PPM1H: variants seen among roughly 807,000 people sequenced by gnomAD.
The protein encoded by PPM1H is protein phosphatase, Mg2+/Mn2+ dependent 1H.
A neutral mutation model predicts 54.9 loss-of-function variants in PPM1H; 27 were observed. The ratio of observed to expected loss-of-function variants is 0.49; its 90% CI spans 0.36 to 0.68. PPM1H has a LOEUF of 0.68. Among genes scored for constraint, PPM1H ranks in the 30% least tolerant of loss-of-function variants. The pLI, the probability that PPM1H is intolerant of heterozygous loss-of-function variation, is 0.00. For synonymous variants in PPM1H, 305 were observed against 270.8 expected, an observed-to-expected ratio of 1.13 and a Z score of -1.24; for missense variants, 596 against 667.8, an observed-to-expected ratio of 0.89 and a Z score of 1.19.
intron 8 of PPM1H, among the ~76,000 whole-genome samples, chr12:62,673,713 C>CTTTTTTT (rs1192243731): frequency 4.2e-5 from 2 of 47,570 alleles, no homozygotes; most frequent in African/African-American, 6.1e-5. Flanking sequence ...AGAAGAGCCA[C>CTTTTTTT]TCTTTTTTTT....
At chr12:62,769,415 G>A (rs1369319063) in intron 4 of PPM1H, among the ~76,000 whole-genome samples, 1 of 152,216 alleles carries the variant, frequency 6.6e-6, no homozygotes, top group Non-Finnish European at 1.5e-5. Flanking sequence ...CACACAGAGG[G>A]AGAAAGGGCA....
intron 8 of PPM1H, among the ~76,000 whole-genome samples, chr12:62,670,135 G>A (rs376434207): frequency 7.4e-4 from 112 of 151,606 alleles, no homozygotes; most frequent in Middle Eastern, 6.8e-3. Context: ...GTGCCACCAC[G>A]CCCGGCTAAT....
intron 2 of PPM1H, among the ~76,000 whole-genome samples, chr12:62,830,402 C>A (rs1440873629): frequency 4.6e-5 from 7 of 152,080 alleles, no homozygotes; most frequent in Admixed American, 3.9e-4. Context: ...ACTACAGGCA[C>A]CCGCCACCAT....
At chr12:62,715,360 T>A (rs1174733577) in intron 6 of PPM1H, among the ~76,000 whole-genome samples, 1 of 151,210 alleles carries the variant, frequency 6.6e-6, no homozygotes, top group Non-Finnish European at 1.5e-5. Flanking sequence ...AAGGGAAGAC[T>A]CCATCAGGAA....
At chr12:62,824,456 A>C (rs1592618966) in intron 2 of PPM1H, among the ~76,000 whole-genome samples, 2 of 152,300 alleles carry the variant, frequency 1.3e-5, no homozygotes, top group South Asian at 2.1e-4. Context: ...AATCCTAAGC[A>C]AAAAGAACAA....
chr12:62,653,238 C>T (rs543984010), intron 9 of PPM1H, among the ~76,000 whole-genome samples: 1 of 152,288 alleles, frequency 6.6e-6, no homozygotes, highest in African/African-American at 2.4e-5. Context: ...TAGTTTTACT[C>T]TTTCAAACTG....
At chr12:62,742,863 T>C (rs937066117) in intron 4 of PPM1H, among the ~76,000 whole-genome samples, 4 of 152,144 alleles carry the variant, frequency 2.6e-5, no homozygotes, top group African/African-American at 9.7e-5. Context: ...ACAGAGGGGA[T>C]GGGTTTTCAG....
chr12:62,678,189 C>A (rs189015070), intron 8 of PPM1H, among the ~76,000 whole-genome samples: 2 of 152,338 alleles, frequency 1.3e-5, no homozygotes, highest in East Asian at 3.9e-4. Context: ...TCAAGCCAAC[C>A]TCCTGCCTTG....
At chr12:62,686,172 C>A (rs2136633471) in intron 8 of PPM1H, among the ~76,000 whole-genome samples, 1 of 152,336 alleles carries the variant, frequency 6.6e-6, no homozygotes, top group South Asian at 2.1e-4. Flanking sequence ...TTCTCAGGGA[C>A]TCTTCCATGC....
intron 1 of PPM1H, among the ~76,000 whole-genome samples, chr12:62,843,434 T>A (rs1868832353): frequency 6.6e-6 from 1 of 152,250 alleles, no homozygotes; most frequent in Non-Finnish European, 1.5e-5. Context: ...ATTGGCCAAA[T>A]CAATGTCATA....
At chr12:62,664,898 T>A (rs560648594) in intron 9 of PPM1H, among the ~76,000 whole-genome samples, 2 of 152,308 alleles carry the variant, frequency 1.3e-5, no homozygotes, top group African/African-American at 2.4e-5. Flanking sequence ...TTGACAGTTA[T>A]TTTTTTCTTA....
At chr12:62,782,897 G>A (rs1005505276) in intron 4 of PPM1H, among the ~76,000 whole-genome samples, 1 of 152,006 alleles carries the variant, frequency 6.6e-6, no homozygotes, top group Non-Finnish European at 1.5e-5. Flanking sequence ...GTGTGATCAC[G>A]GCTCACTGCA....
At chr12:62,834,346 CA>C (rs1810026997) in intron 1 of PPM1H, among the ~76,000 whole-genome samples, 1 of 152,188 alleles carries the variant, frequency 6.6e-6, no homozygotes, top group African/African-American at 2.4e-5. Context: ...ATTAGGGACA[CA>C]ATGAGGCTAC....
chr12:62,842,570 G>A (rs935278797), intron 1 of PPM1H, among the ~76,000 whole-genome samples: 6 of 152,144 alleles, frequency 3.9e-5, no homozygotes. Context: ...CCTTGTTGCT[G>A]GATAAAGAAA....
At chr12:62,818,051 T>C (rs1049387277) in intron 2 of PPM1H, among the ~76,000 whole-genome samples, 5 of 152,192 alleles carry the variant, frequency 3.3e-5, no homozygotes, top group Non-Finnish European at 7.3e-5. Context: ...TGTTCAGAAG[T>C]CTAGTCTCAA....
At chr12:62,873,513 G>C (rs1335084684) in intron 1 of PPM1H, among the ~76,000 whole-genome samples, 1 of 152,130 alleles carries the variant, frequency 6.6e-6, no homozygotes, top group Non-Finnish European at 1.5e-5. Flanking sequence ...GGCAAGTCAA[G>C]GTAATTATCC....
intron 1 of PPM1H, among the ~76,000 whole-genome samples, chr12:62,899,747 C>T (rs1871101745): frequency 6.6e-6 from 1 of 152,194 alleles, no homozygotes; most frequent in Admixed American, 6.5e-5. Context: ...GGGTTTCATG[C>T]CAGCCCAACC....
intron 1 of PPM1H, among the ~76,000 whole-genome samples, chr12:62,838,876 G>A (rs1010763546): frequency 1.2e-5 from 1 of 86,110 alleles, no homozygotes; most frequent in African/African-American, 6.2e-5. Flanking sequence ...AGCCGAGATC[G>A]CGCCACTGCA....
At chr12:62,919,062 C>T (rs1302043468) in intron 1 of PPM1H, among the ~76,000 whole-genome samples, 1 of 152,150 alleles carries the variant, frequency 6.6e-6, no homozygotes, top group African/African-American at 2.4e-5. Flanking sequence ...GAAACTTTTG[C>T]CAAAGGGTCA....
Sources: allele counts gnomAD v4.1 joint callset (sites outside exome capture counted in the v4.1 genomes callset), GRCh38; gene constraint gnomAD v4.1.1; transcripts MANE v1.5; gene names NCBI Gene and HGNC (gene_info 2026-07-23, HGNC 2026-07-21).